The following ANAPC15 variants were observed in gnomAD, a reference collection of about 807,000 sequenced individuals.
ANAPC15 encodes the protein anaphase promoting complex subunit 15, also known as anaphase-promoting complex subunit 15.
In ANAPC15, 13 loss-of-function variants were observed where a neutral mutation model predicts 19.8. That is an observed-to-expected ratio of 0.66 (90% CI 0.43 to 1.04). ANAPC15 has a LOEUF of 1.04. Among genes scored for constraint, ANAPC15 ranks in the 50% least tolerant of loss-of-function variants. The pLI is 0.00. For synonymous variants in ANAPC15, 45 were observed against 50.7 expected (o/e 0.89, Z 0.47); for missense variants, 88 against 150.3 (o/e 0.59, Z 2.17).
At position 72,109,834 on chromosome 11, in the gene ANAPC15, G is replaced by A. The variant is rs1396964256; in HGVS notation, c.*47C>T. ...GGGTTGGGGGTTGGGATGCAGGGTA[G>A]TTTGGGCTGGCCTGGAATCTCCCTG... On this transcript the variant is annotated 3_prime_UTR_variant, in exon 6 of 6. Transcript: ENST00000227618. The A allele has an allele frequency of 6.2e-7, 1 of 1,610,632 alleles. No homozygotes were observed. Among genetic ancestry groups the A allele is most frequent in the African/African-American group, 1.3e-5 (1 of 74,934 alleles).
downstream of ANAPC15, chr11:72,107,226 T>C (rs1945773683): frequency 1.7e-6 from 1 of 579,264 alleles, no homozygotes. Context: ...GTGATCATGC[T>C]ACTGCACTCC....
upstream of ANAPC15, chr11:72,112,708 A>C (rs1175321597): frequency 8.8e-6 from 4 of 456,582 alleles, no homozygotes; most frequent in African/African-American, 8.0e-5. Context: ...CCTGAGCGGA[A>C]GAACCCACCA....
chr11:72,110,720 C>T (rs1454775106), intron 3 of ANAPC15, 117 bp from the exon 4 acceptor site: 4 of 1,087,226 alleles, frequency 3.7e-6, no homozygotes, highest in Non-Finnish European at 5.4e-6. Flanking sequence ...AAGCTTCCTC[C>T]CAGTTCTCAG....
chr11:72,110,032 C>T (rs1157044457), intron 5 of ANAPC15, 56 bp downstream of exon 5: 3 of 1,614,050 alleles, frequency 1.9e-6, no homozygotes, highest in African/African-American at 1.3e-5. Flanking sequence ...TGGCCATCAA[C>T]TGGGTCAGGA....
At position 72,110,441 on chromosome 11, in the gene ANAPC15, A is replaced by G. The variant is rs536269368; in HGVS notation, c.180+103T>C. On this transcript the variant is annotated intron_variant, in intron 4 of 5. Coordinates refer to ENST00000227618, the MANE Select transcript of ANAPC15 (RefSeq NM_014042.3). ...CCTTTTAGGCTTTTACCCAGATCTG[A>G]GAACCACAACTGCTCTGGGTCAGAG... 10 of 1,558,992 alleles carry G rather than the reference A, an allele frequency of 6.4e-6. No individual in the cohort carries two copies. In the East Asian group the frequency reaches 6.7e-5, roughly 11 times the overall value.
At chr11:72,108,147 T>G (rs1434060772), downstream of ANAPC15, 1 of 1,470,070 alleles carries the variant, frequency 6.8e-7, no homozygotes, top group Admixed American at 2.5e-5. Context: ...CCAACCCAGA[T>G]TTTTGTCACC....
At chr11:72,108,730 G>T (rs1321993526), downstream of ANAPC15, 1 of 1,550,350 alleles carries the variant, frequency 6.5e-7, no homozygotes, top group African/African-American at 1.4e-5. Context: ...ACCTGCAGCT[G>T]CTGGAGGCCC....
rs941545183 is a variant in ANAPC15 at position 72,109,939 on chromosome 11, G to A, written c.319-11C>T. On this transcript the variant is annotated splice_polypyrimidine_tract_variant and intron_variant, in intron 5 of 5. Coordinates refer to ENST00000227618, the MANE Select transcript of ANAPC15 (RefSeq NM_014042.3). ...GCCTTCCATGTCCACCTGGAGAGGA[G>A]GCTGGGTGTGGGTGGGGAGGGGCCT... 1 of 1,614,072 alleles carries A rather than the reference G, an allele frequency of 6.2e-7. No individual in the cohort carries two copies.
downstream of ANAPC15, chr11:72,107,844 G>A: frequency 1.3e-6 from 2 of 1,485,420 alleles, no homozygotes; most frequent in Non-Finnish European, 1.8e-6. Flanking sequence ...AGTGAGGCAG[G>A]TAGGCATTTG....
chr11:72,108,610 G>A (rs761974123), downstream of ANAPC15: 2 of 1,461,598 alleles, frequency 1.4e-6, no homozygotes, highest in Non-Finnish European at 1.8e-6. Flanking sequence ...CACAGGTGGA[G>A]CTCATCGTGG....
chr11:72,112,333 C>T (rs1002559469), intron 1 of ANAPC15: 2 of 170,170 alleles, frequency 1.2e-5, no homozygotes, highest in Non-Finnish European at 2.6e-5. Flanking sequence ...AGTTGACCAA[C>T]AGAAAGAAAG....
intron 1 of ANAPC15, chr11:72,112,126 C>G (rs1239556892): frequency 1.3e-5 from 2 of 153,216 alleles, no homozygotes; most frequent in Non-Finnish European, 2.9e-5. Context: ...CTGCTTTTGT[C>G]TTAATTTATC....
intron 1 of ANAPC15, chr11:72,112,293 T>C (rs1947231903): frequency 6.4e-6 from 1 of 156,478 alleles, no homozygotes; most frequent in East Asian, 1.9e-4. Context: ...GCCACCGCCC[T>C]TTCTTTGCTC....
chr11:72,107,494 G>A (rs1182207103), downstream of ANAPC15: 2 of 702,872 alleles, frequency 2.8e-6, no homozygotes, highest in Non-Finnish European at 5.2e-6. Context: ...GGCAAAGCCA[G>A]CCACATATAC....
downstream of ANAPC15, chr11:72,108,217 C>A: frequency 1.8e-6 from 2 of 1,116,790 alleles, no homozygotes; most frequent in South Asian, 1.9e-5. Context: ...AAGGAAGCAC[C>A]TCCACTCTGG....
intron 1 of ANAPC15, among the ~76,000 whole-genome samples, chr11:72,111,733 A>T (rs577924344): frequency 1.9e-4 from 29 of 152,042 alleles, no homozygotes; most frequent in Non-Finnish European, 3.5e-4. Context: ...CTGCTTTTTG[A>T]CCCTTTATGA....
intron 2 of ANAPC15, 46 bp from the exon 3 acceptor site, chr11:72,111,332 T>G (rs879692078): frequency 6.9e-7 from 1 of 1,457,100 alleles, no homozygotes; most frequent in South Asian, 1.2e-5. Flanking sequence ...GTTTTTGTTT[T>G]TAATTTGGTT....
At chr11:72,107,589 A>C (rs531908794), downstream of ANAPC15, 3 of 693,826 alleles carry the variant, frequency 4.3e-6, no homozygotes, top group Non-Finnish European at 7.9e-6. Flanking sequence ...ACAGGTGGGA[A>C]GTACTGAGAG....
At chr11:72,108,469 G>A, downstream of ANAPC15, 1 of 712,222 alleles carries the variant, frequency 1.4e-6, no homozygotes, top group Non-Finnish European at 2.2e-6. Context: ...CTTAGGTTCT[G>A]AGGTCAGAGG....
Sources: gnomAD v4.1 joint callset for allele counts (sites outside exome capture counted in the v4.1 genomes callset) on GRCh38, gnomAD v4.1.1 for gene constraint, MANE v1.5 for transcripts, NCBI Gene and HGNC (gene_info 2026-07-23, HGNC 2026-07-21) for gene names.